The following DNA2 variants were observed in gnomAD, a reference collection of about 807,000 sequenced individuals.
DNA2 encodes the protein DNA replication ATP-dependent helicase/nuclease DNA2.
A neutral mutation model predicts 119.1 loss-of-function variants in DNA2; 101 were observed. The ratio of observed to expected loss-of-function variants is 0.85; its 90% CI spans 0.72 to 1.00. The LOEUF (loss-of-function observed/expected upper bound fraction) is 1.00, where lower values mean the gene tolerates loss of function less well. Ranked by LOEUF, DNA2 falls within the 50% of genes least tolerant of loss-of-function variation. The pLI is 0.00. For missense variants in DNA2, 1,121 were observed against 1,255.5 expected, an observed-to-expected ratio of 0.89 and a Z score of 1.62; for synonymous variants, 366 against 424.4, an observed-to-expected ratio of 0.86 and a Z score of 1.69.
rs528044538 is a variant in DNA2, at chr10:68,436,956, A to G, written c.1646+55T>C. 5 of 1,348,332 alleles carry G rather than the reference A, an allele frequency of 3.7e-6. No homozygotes were observed. The South Asian group carries it at 3.9e-5, about 11-fold the overall frequency. The allele number at this position is 1,348,332 out of a possible 1,614,324, so 83.5% of individuals were successfully genotyped here. ...TACATTTTAAATGGATGAACTACAC[A>G]GATGTGAATTATATATCAATAAAGC... On this transcript the variant is annotated intron_variant, in intron 10 of 20. Coordinates refer to ENST00000358410, the MANE Select transcript of DNA2 (RefSeq NM_001080449.3).
Position 68,432,459 on chromosome 10 carries a change from T to C in DNA2, c.1698A>G (p.Glu566=). Residue 566 remains glutamate (E), a synonymous_variant, in exon 11 of 21, where the codon GAA becomes GAG. Coordinates refer to ENST00000358410, the MANE Select transcript of DNA2 (RefSeq NM_001080449.3). ...ESTLFRLDQE[E]KNCDIDTPLG... is the part of the protein sequence containing the mutation. The stretch of plus-strand genomic sequence containing the variant: ...ATGGGGTATCTATATCACAATTTTT[T>C]TCTTCTTGGTCTAATCTGAACAAAG... The C allele has an allele frequency of 6.3e-7, 1 of 1,586,816 alleles. No homozygotes were observed.
chr10:68,445,564 G>A (rs2052028090), intron 7 of DNA2, among the ~76,000 whole-genome samples: 2 of 151,928 alleles, frequency 1.3e-5, no homozygotes, highest in Admixed American at 1.3e-4. Flanking sequence ...ACAACATTTT[G>A]GTATTCATAT....
chr10:68,464,175 T>A (rs1326591493), intron 4 of DNA2, among the ~76,000 whole-genome samples: 1 of 152,156 alleles, frequency 6.6e-6, no homozygotes, highest in African/African-American at 2.4e-5. Context: ...CCAGTAGAAA[T>A]GTAAACTTGG....
rs1005764335 is a variant in DNA2, at chr10:68,469,836, C to T, written c.257+145G>A. The T allele has an allele frequency of 2.1e-5, 16 of 748,966 alleles. No individual in the cohort carries two copies. In the African/African-American group the frequency reaches 2.8e-4, roughly 13 times the overall value. The allele number at this position is 748,966 out of a possible 1,614,324, so 46.4% of individuals were successfully genotyped here. A position where few individuals can be genotyped will look rare whatever the true frequency, so the allele number is the denominator to read the frequency against. On this transcript the variant is annotated intron_variant, in intron 2 of 20. Coordinates refer to ENST00000358410, the MANE Select transcript of DNA2 (RefSeq NM_001080449.3). ...ACTTGAGATACAGGAGTAATAGATA[C>T]AATTTTCATGCAGAATTAGGCTAAG...
chr10:68,444,560 A>C (rs1449478000), intron 8 of DNA2, among the ~76,000 whole-genome samples: 1 of 151,830 alleles, frequency 6.6e-6, no homozygotes, highest in Non-Finnish European at 1.5e-5. Context: ...CCTCTTCTCT[A>C]CTAAAAATAC....
intron 19 of DNA2, among the ~76,000 whole-genome samples, chr10:68,417,602 G>A (rs931786247): frequency 2.0e-4 from 30 of 146,538 alleles, no homozygotes; most frequent in Non-Finnish European, 3.1e-4. Context: ...ACAGTGAGCC[G>A]AGATTGTGCC....
Position 68,414,833 on chromosome 10 carries a change from T to C in DNA2, c.*206A>G, listed in dbSNP as rs1044679339. 2 of 408,552 alleles carry C rather than the reference T, an allele frequency of 4.9e-6. No homozygotes were observed. The highest frequency in any genetic ancestry group is 4.1e-5 in the African/African-American group (2 of 48,904). 25.3% of individuals were successfully genotyped at this position (408,552 alleles called of 1,614,324 possible). On this transcript the variant is annotated 3_prime_UTR_variant, in exon 21 of 21. Transcript: ENST00000358410. ...TCAAAAGTTAATCCATCTTCAAAGCTGGTAAAAATTTATCAAACTCTTTCT... is the reference window on the plus strand; with the variant it reads ...TCAAAAGTTAATCCATCTTCAAAGCCGGTAAAAATTTATCAAACTCTTTCT...
intron 11 of DNA2, 35 bp downstream of exon 11, chr10:68,432,359 T>G (rs1393991723): frequency 6.4e-7 from 1 of 1,561,250 alleles, no homozygotes; most frequent in Admixed American, 1.9e-5. Flanking sequence ...CTTAGAAAAG[T>G]GGAGTGAAAT....
intron 3 of DNA2, among the ~76,000 whole-genome samples, chr10:68,467,316 G>A (rs577371465): frequency 6.6e-6 from 1 of 151,666 alleles, no homozygotes; most frequent in Admixed American, 6.6e-5. Context: ...TCATCATGTT[G>A]GTCAGGCTGG....
chr10:68,468,358 G>A, intron 2 of DNA2, 52 bp from the exon 3 acceptor site: 1 of 1,231,218 alleles, frequency 8.1e-7, no homozygotes, highest in Non-Finnish European at 1.1e-6. Flanking sequence ...GTTCCTACAT[G>A]TAAACGTATT....
At position 68,432,500 on chromosome 10, in the gene DNA2, C is replaced by A; in HGVS notation, c.1657G>T (p.Val553Phe). The change falls in exon 11 of 21, where the codon GTC becomes TTC. Residue 553 changes from valine (V) to phenylalanine (F), a missense_variant. Physicochemically the swap from Val to Phe is conservative, Grantham distance 50. Coordinates refer to ENST00000358410, the MANE Select transcript of DNA2 (RefSeq NM_001080449.3). ...CTGAACAAAGTTGATTCTGGAAGGA[C>A]CGACAAGTTTCTAAAACAACAAAAC... ...VTCLLDRNLSVLPESTLFRLD... is the reference protein window; with the variant it reads ...VTCLLDRNLSFLPESTLFRLD... 6.5e-7 allele frequency: 1 copy of A among 1,549,582 alleles called. No individual in the cohort carries two copies. Among genetic ancestry groups the A allele is most frequent in the South Asian group, 1.2e-5 (1 of 83,414 alleles).
rs769297990 is a variant in DNA2, at chr10:68,422,730, T to A, written c.2369A>T (p.Gln790Leu). The A allele has an allele frequency of 1.2e-5, 19 of 1,611,858 alleles. No homozygotes were observed. In the South Asian group the frequency reaches 2.1e-4, roughly 18 times the overall value. ...RRFVLVGDHQ[Q>L]LPPLVLNREA... ...ACGGTTTAGCACCAGGGGAGGAAGC[T>A]GCTGATGGTCCCCCACTAACACAAA... The change falls in exon 15 of 21, where the codon CAG becomes CTG. Residue 790 changes from glutamine (Q) to leucine (L), a missense_variant. Transcript: ENST00000358410.
intron 14 of DNA2, among the ~76,000 whole-genome samples, chr10:68,427,440 G>C (rs1226883948): frequency 6.6e-6 from 1 of 151,810 alleles, no homozygotes; most frequent in African/African-American, 2.4e-5. Context: ...GAGGTGGGAG[G>C]ATCATTTGAA....
At chr10:68,444,087 T>C (rs956958734) in intron 8 of DNA2, among the ~76,000 whole-genome samples, 1 of 152,086 alleles carries the variant, frequency 6.6e-6, no homozygotes, top group Non-Finnish European at 1.5e-5. Flanking sequence ...TGAAACCCTA[T>C]CTGTATTAAA....
chr10:68,418,226 C>A (rs2051617133), intron 19 of DNA2, among the ~76,000 whole-genome samples: 1 of 152,040 alleles, frequency 6.6e-6, no homozygotes, highest in African/African-American at 2.4e-5. Context: ...CCAGCCTGGA[C>A]AAGATGGTGA....
chr10:68,450,138 C>A lies in DNA2; in HGVS notation c.829G>T (p.Asp277Tyr). The change falls in exon 6 of 21, where the codon GAT (aspartate) becomes TAT (tyrosine). Residue 277 changes from aspartate to tyrosine, a missense_variant. Asp to Tyr is a radical substitution (Grantham distance 160). Coordinates refer to ENST00000358410, the MANE Select transcript of DNA2 (RefSeq NM_001080449.3). ...TGTATTTTCACACCAACTGTAACAT[C>A]TATTTTGCCTTTCAATCCAAACCTA... is the stretch of plus-strand genomic sequence containing the variant. ...SPRFGLKGKI[D>Y]VTVGVKIHRG... The A allele has an allele frequency of 6.2e-7, 1 of 1,607,810 alleles. No homozygotes were observed. Among genetic ancestry groups the A allele is most frequent in the East Asian group, 2.2e-5 (1 of 44,796 alleles).
chr10:68,424,578 G>A lies in DNA2; in HGVS notation c.2209-1688C>T, dbSNP rs1014941817. 5.9e-6 allele frequency: 6 copies of A among 1,021,974 alleles called. No individual in the cohort carries two copies. In the East Asian group the frequency reaches 9.6e-5, roughly 16 times the overall value. The allele number at this position is 1,021,974 out of a possible 1,614,324, so 63.3% of individuals were successfully genotyped here. ...CATCACCATGAAGTTCAATCCCTTC[G>A]TGAACTTGGACCGCAGCAAAAACCG... is the stretch of plus-strand genomic sequence containing the variant. On this transcript the variant is annotated intron_variant, in intron 14 of 20. Coordinates refer to ENST00000358410, the MANE Select transcript of DNA2 (RefSeq NM_001080449.3).
intron 20 of DNA2, among the ~76,000 whole-genome samples, chr10:68,415,599 C>T (rs2051578517): frequency 6.6e-6 from 1 of 151,718 alleles, no homozygotes; most frequent in Non-Finnish European, 1.5e-5. Context: ...TCTTAGCCTA[C>T]TTCATACCTT....
intron 14 of DNA2, among the ~76,000 whole-genome samples, chr10:68,428,041 A>T (rs1286258330): frequency 2.0e-5 from 3 of 151,352 alleles, no homozygotes; most frequent in African/African-American, 4.9e-5. Context: ...TCAGAAAAAA[A>T]AAAAAGCCCG....
Sources: gnomAD v4.1 joint callset for allele counts (sites outside exome capture counted in the v4.1 genomes callset) on GRCh38, gnomAD v4.1.1 for gene constraint, MANE v1.5 for transcripts, NCBI Gene and HGNC (gene_info 2026-07-23, HGNC 2026-07-21) for gene names.